Variants in SMG1 observed in about 807,000 individuals in gnomAD.
SMG1 encodes SMG1 nonsense mediated mRNA decay associated PI3K related kinase.
Under a neutral mutation model 419.9 loss-of-function variants are expected in SMG1, and 22 were observed. The observed-to-expected ratio is 0.05, with a 90% CI of 0.04 to 0.07. SMG1 has a LOEUF of 0.07. SMG1 is among the 10% of genes least tolerant of loss of function. SMG1 has a pLI of 1.00. For missense variants in SMG1, 3,185 were observed against 4,342.0 expected (o/e 0.73, Z 7.49); for synonymous variants, 1,538 against 1,553.5 (o/e 0.99, Z 0.23).
intron 56 of SMG1, among the ~76,000 whole-genome samples, chr16:18,818,533 A>G (rs910438747): frequency 9.9e-5 from 15 of 152,250 alleles, no homozygotes; most frequent in African/African-American, 2.9e-4. Flanking sequence ...ATGCCCAGCT[A>G]TGATACATTC....
intron 49 of SMG1, 81 bp from the exon 50 acceptor site, chr16:18,834,519 G>A (rs933285030): frequency 1.5e-6 from 2 of 1,341,998 alleles, no homozygotes; most frequent in African/African-American, 2.9e-5. Context: ...GGCCATGCCT[G>A]TAATTCCAGC....
In SMG1 at chr16:18,807,838, C is replaced by A. The variant is rs1194308098; in HGVS notation, c.*1731G>T. ...GCAGTGGCACAATCTCGGCTCACTG[C>A]AAGCTCCGCCTCCTGGGTTCACGCC... On this transcript the variant is annotated 3_prime_UTR_variant, in exon 63 of 63. Coordinates refer to ENST00000446231, the MANE Select transcript of SMG1 (RefSeq NM_015092.5). The A allele has an allele frequency of 1.3e-5, 2 of 152,166 alleles. No homozygotes were observed. The highest frequency in any genetic ancestry group is 1.5e-5 in the Non-Finnish European group (1 of 68,036). 9.4% of individuals were successfully genotyped at this position (152,166 alleles called of 1,614,324 possible).
At chr16:18,836,620 A>T (rs533025241) in intron 46 of SMG1, 88 bp from the exon 47 acceptor site, 68 of 1,344,312 alleles carry the variant, frequency 5.1e-5, no homozygotes, top group South Asian at 3.4e-4. Context: ...TCACACATGG[A>T]CTGTCTGGTA....
At chr16:18,906,489 G>A (rs8047958) in intron 1 of SMG1, among the ~76,000 whole-genome samples, 10,630 of 152,026 alleles carry the variant, frequency 0.07, 379 homozygotes, top group African/African-American at 0.094. Context: ...ACTCCGTCTC[G>A]GGGTGGGGTG....
intron 29 of SMG1, chr16:18,857,346 T>C (rs1331767373): frequency 6.6e-6 from 1 of 152,244 alleles, no homozygotes; most frequent in Non-Finnish European, 1.5e-5. Flanking sequence ...ATAGTAATTC[T>C]CTAGCCATTC....
chr16:18,866,272 A>C (rs1319651564), intron 23 of SMG1: 2 of 308,236 alleles, frequency 6.5e-6, no homozygotes, highest in Non-Finnish European at 6.2e-6. Flanking sequence ...CTGAATGTAG[A>C]GTTCACAGGA....
Position 18,834,420 on chromosome 16 carries a change from T to G in SMG1, c.8349A>C (p.Glu2783Asp). 6.2e-7 allele frequency: 1 copy of G among 1,613,612 alleles called. No individual in the cohort carries two copies. Among genetic ancestry groups the G allele is most frequent in the Non-Finnish European group, 8.5e-7 (1 of 1,179,748 alleles). The change falls in exon 50 of 63, where the codon GAA becomes GAC. Residue 2783 changes from glutamate (E) to aspartate (D), a missense_variant. Physicochemically the swap from Glu to Asp is conservative, Grantham distance 45. Around this residue, in one of 27 missense-constraint regions of SMG1, gnomAD observed 412 missense variants for 546.6 expected, o/e 0.75. Transcript: ENST00000446231. The stretch of plus-strand genomic sequence containing the variant: ...GTTCTCCAGCACTTGACGCTGCACC[T>G]TCCATCATCAGGTTACGCCTACAAG... ...CTLTRRNLMM[E>D]GAASSAGEQL...
intron 29 of SMG1, chr16:18,857,699 G>C (rs1214509041): frequency 1.3e-5 from 2 of 152,852 alleles, no homozygotes; most frequent in African/African-American, 4.8e-5. Flanking sequence ...GGTTTATACT[G>C]AATAGCGCAA....
In SMG1 at chr16:18,817,318, C is replaced by G. The variant is rs1335227397; in HGVS notation, c.10047G>C (p.Glu3349Asp). The change falls in exon 57 of 63, where the codon GAG becomes GAC. Residue 3349 changes from glutamate to aspartate, a missense_variant. Physicochemically the swap from Glu to Asp is conservative, Grantham distance 45. Transcript: ENST00000446231. The part of the protein sequence containing the change: ...FASQFNSSVS[E>D]LELRLLQRVD... ...CTCTCTGTAATAAACGAAGCTCTAA[C>G]TCAGACACTGAACTGTTAAACTGTG... 8.7e-6 allele frequency: 14 copies of G among 1,612,264 alleles called. No homozygotes were observed. The Admixed American group carries it at 2.3e-4, about 27-fold the overall frequency.
rs560698074 is a variant in SMG1, at chr16:18,882,378, T to A, written c.1120-40A>T. 1.5e-4 allele frequency: 183 copies of A among 1,196,624 alleles called. 1 individual carries two copies. In the African/African-American group the frequency reaches 2.7e-3, roughly 17 times the overall value. The allele number at this position is 1,196,624 out of a possible 1,614,324, so 74.1% of individuals were successfully genotyped here. A position where few individuals can be genotyped will look rare whatever the true frequency, so the allele number is the denominator to read the frequency against. On this transcript the variant is annotated intron_variant, in intron 9 of 62. Transcript: ENST00000446231. ...ACAGCATTCTTAATAAGTAGTACAT[T>A]GTTTTAAATAAAAAAAAAAAAAACT...
intron 55 of SMG1, among the ~76,000 whole-genome samples, chr16:18,821,222 T>TACTCCTGG (rs1567322096): frequency 2.0e-5 from 1 of 51,064 alleles, no homozygotes; most frequent in Non-Finnish European, 3.5e-5. Context: ...AGTATGTTTC[T>TACTCCTGG]TTTTTTTTTT....
At chr16:18,845,170 C>A (rs557498507) in intron 39 of SMG1, among the ~76,000 whole-genome samples, 1 of 152,334 alleles carries the variant, frequency 6.6e-6, no homozygotes, top group East Asian at 1.9e-4. Context: ...ATTTCTTCAT[C>A]TGTTGTTCAC....
intron 60 of SMG1, among the ~76,000 whole-genome samples, chr16:18,813,118 C>A (rs1366813641): frequency 6.6e-6 from 1 of 151,988 alleles, no homozygotes; most frequent in East Asian, 1.9e-4. Flanking sequence ...TGAGTAGTGC[C>A]GCAATAAACA....
At position 18,816,372 on chromosome 16, in the gene SMG1, A is replaced by T; in HGVS notation, c.10232T>A (p.Ile3411Lys). ...GTTATGACCAGTGAGCACAGTCTTT[A>T]TATTATCAACCAGATTCTGAATTGT... ...CETIQNLVDN[I>K]KTVLTGHNRQ... The change falls in exon 58 of 63, where the codon ATA becomes AAA. Residue 3411 changes from isoleucine (I) to lysine (K), a missense_variant. By Grantham distance (102) the Ile-to-Lys change is moderately radical (BLOSUM62 -3). This residue lies in a region of SMG1 where 737 missense variants were observed against 846.6 expected (regional missense o/e 0.87). Coordinates refer to ENST00000446231, the MANE Select transcript of SMG1 (RefSeq NM_015092.5). 6.2e-7 allele frequency: 1 copy of T among 1,613,974 alleles called. No homozygotes were observed. Among genetic ancestry groups the T allele is most frequent in the Non-Finnish European group, 8.5e-7 (1 of 1,179,876 alleles).
rs375104755 is a variant in SMG1, at chr16:18,866,784, G to A, written c.3196-9C>T. The A allele has an allele frequency of 7.4e-5, 118 of 1,596,190 alleles. No individual in the cohort carries two copies. Among genetic ancestry groups the A allele is most frequent in the Non-Finnish European group, 8.7e-5 (103 of 1,178,766 alleles). On this transcript the variant is annotated splice_polypyrimidine_tract_variant and intron_variant, in intron 22 of 62. Coordinates refer to ENST00000446231, the MANE Select transcript of SMG1 (RefSeq NM_015092.5). ...ACTTCCAATTCATTCCCCTGAAAAC[G>A]CATTCAGAAAAATTAGTCACCCAAT...
intron 39 of SMG1, among the ~76,000 whole-genome samples, chr16:18,844,474 T>TAC (rs71141074): frequency 0.01 from 43 of 4,168 alleles, 4 homozygotes; most frequent in South Asian, 0.036. Context: ...CCCGCCCACC[T>TAC]ACACACACAC....
chr16:18,900,336 A>C (rs1038658251), intron 1 of SMG1, among the ~76,000 whole-genome samples: 5 of 152,234 alleles, frequency 3.3e-5, no homozygotes, highest in Non-Finnish European at 5.9e-5. Flanking sequence ...ACCTATTCTC[A>C]ATATACAGAA....
intron 51 of SMG1, among the ~76,000 whole-genome samples, chr16:18,832,523 T>C (rs116457064): frequency 1.1e-4 from 16 of 152,230 alleles, no homozygotes; most frequent in African/African-American, 3.1e-4. Flanking sequence ...TGTATGTACA[T>C]GTACATAACT....
intron 3 of SMG1, among the ~76,000 whole-genome samples, chr16:18,894,189 T>C (rs1442735099): frequency 6.6e-6 from 1 of 152,082 alleles, no homozygotes; most frequent in Admixed American, 6.6e-5. Context: ...CCAGGCTTAA[T>C]ACCTGGGTGA....
Sources: allele counts gnomAD v4.1 joint callset (sites outside exome capture counted in the v4.1 genomes callset), GRCh38; gene constraint gnomAD v4.1.1; regional missense constraint gnomAD v4.1.1; transcripts MANE v1.5; gene names NCBI Gene and HGNC (gene_info 2026-07-23, HGNC 2026-07-21).